NRP1: variants seen among roughly 807,000 people sequenced by gnomAD.
The protein encoded by NRP1 is neuropilin 1.
In NRP1, 35 loss-of-function variants were observed where a neutral mutation model predicts 106.7. The ratio of observed to expected loss-of-function variants is 0.33; its 90% CI spans 0.25 to 0.43. The LOEUF (loss-of-function observed/expected upper bound fraction) is 0.43. Among genes scored for constraint, NRP1 ranks in the 20% least tolerant of loss-of-function variants. The pLI is 1.00. For missense variants in NRP1, 1,024 were observed against 1,170.4 expected (o/e 0.87, Z 1.83); for synonymous variants, 437 against 417.9 (o/e 1.05, Z -0.56).
At chr10:33,187,039 A>C (rs1836056018) in intron 13 of NRP1, among the ~76,000 whole-genome samples, 1 of 150,446 alleles carries the variant, frequency 6.6e-6, no homozygotes, top group Non-Finnish European at 1.5e-5. Flanking sequence ...TAAAAAGATT[A>C]ATTTTTTTTT....
At chr10:33,186,898 C>T (rs1836046841) in intron 13 of NRP1, among the ~76,000 whole-genome samples, 1 of 152,058 alleles carries the variant, frequency 6.6e-6, no homozygotes, top group Admixed American at 6.6e-5. Flanking sequence ...ACTCCTGTTG[C>T]CCAGGTTGGG....
intron 6 of NRP1, among the ~76,000 whole-genome samples, chr10:33,249,832 T>A (rs953286213): frequency 4.6e-5 from 7 of 152,110 alleles, no homozygotes; most frequent in African/African-American, 1.4e-4. Context: ...TTAAGCTTTC[T>A]GGCAGACAAC....
chr10:33,330,464 C>T (rs61758242), intron 2 of NRP1, among the ~76,000 whole-genome samples: 1,751 of 151,728 alleles, frequency 0.012, 48 homozygotes, highest in African/African-American at 0.04. Flanking sequence ...GTTCCCAAAC[C>T]AAAAGTGCTA....
At chr10:33,196,661 G>A (rs1328689549) in intron 12 of NRP1, among the ~76,000 whole-genome samples, 1 of 152,098 alleles carries the variant, frequency 6.6e-6, no homozygotes, top group Non-Finnish European at 1.5e-5. Context: ...CATGCTACAG[G>A]GCAGCTGGGG....
chr10:33,303,471 C>T (rs1309906728), intron 2 of NRP1, among the ~76,000 whole-genome samples: 3 of 152,154 alleles, frequency 2.0e-5, no homozygotes, highest in Admixed American at 6.5e-5. Flanking sequence ...CGTAGTTCTT[C>T]GCCCCTTCCT....
At chr10:33,298,178 A>G (rs1845547937) in intron 2 of NRP1, among the ~76,000 whole-genome samples, 1 of 152,198 alleles carries the variant, frequency 6.6e-6, no homozygotes, top group African/African-American at 2.4e-5. Context: ...CGTCCCAGGA[A>G]CAGTGTGTGA....
chr10:33,255,133 A>G (rs899319843), intron 5 of NRP1, among the ~76,000 whole-genome samples: 1 of 152,032 alleles, frequency 6.6e-6, no homozygotes, highest in Non-Finnish European at 1.5e-5. Context: ...AAAATTCCCC[A>G]TTTTCTGAAT....
In NRP1 at chr10:33,282,722, A is replaced by G. The variant is rs143023101; in HGVS notation, c.249-11866T>C. ...GCTTCTTCCTTTTAGTGGCACTAACATTAAAAGAAAGGTTGAGCTGAACTT... is the reference window on the plus strand; with the variant it reads ...GCTTCTTCCTTTTAGTGGCACTAACGTTAAAAGAAAGGTTGAGCTGAACTT... On this transcript the variant is annotated intron_variant, in intron 2 of 16. Transcript: ENST00000374867. 6.7e-3 allele frequency among the ~76,000 whole-genome samples: 1,016 copies of G among 152,254 alleles called. 6 individuals carry two copies. The highest frequency in any genetic ancestry group is 0.024 in the Middle Eastern group (7 of 294).
intron 2 of NRP1, among the ~76,000 whole-genome samples, chr10:33,295,147 G>A (rs146600745): frequency 6.6e-6 from 1 of 152,292 alleles, no homozygotes; most frequent in Non-Finnish European, 1.5e-5. Context: ...ACATATGTTT[G>A]TGTTGATGAT....
chr10:33,208,763 T>G (rs1240368765), intron 9 of NRP1, among the ~76,000 whole-genome samples: 1 of 152,172 alleles, frequency 6.6e-6, no homozygotes, highest in African/African-American at 2.4e-5. Context: ...GTCATCTTCC[T>G]ATGATATTGA....
intron 6 of NRP1, among the ~76,000 whole-genome samples, chr10:33,228,934 C>G (rs1055087033): frequency 3.9e-5 from 6 of 152,030 alleles, no homozygotes; most frequent in Admixed American, 3.3e-4. Flanking sequence ...ACTTGTTTAC[C>G]AAAATTTGCA....
intron 9 of NRP1, among the ~76,000 whole-genome samples, chr10:33,209,959 G>T (rs920904284): frequency 6.6e-6 from 1 of 152,252 alleles, no homozygotes; most frequent in East Asian, 1.9e-4. Context: ...GCCATGCCCA[G>T]TAGCTGTGTC....
intron 2 of NRP1, among the ~76,000 whole-genome samples, chr10:33,299,497 G>A (rs1045742070): frequency 6.6e-6 from 1 of 152,170 alleles, no homozygotes; most frequent in Non-Finnish European, 1.5e-5. Flanking sequence ...TGTTACAGGT[G>A]ACAGGGCGTG....
chr10:33,284,472 C>T (rs928043065), intron 2 of NRP1, among the ~76,000 whole-genome samples: 3 of 152,088 alleles, frequency 2.0e-5, no homozygotes, highest in Admixed American at 6.5e-5. Flanking sequence ...ATAAAACAGG[C>T]CTTTTGGAAA....
At chr10:33,194,717 A>G in intron 12 of NRP1, 1 of 524,810 alleles carries the variant, frequency 1.9e-6, no homozygotes, top group Non-Finnish European at 3.9e-6. Context: ...ATGTTTTTAG[A>G]TCAATGCCTT....
intron 2 of NRP1, among the ~76,000 whole-genome samples, chr10:33,278,555 T>C (rs1213225051): frequency 6.6e-6 from 1 of 152,170 alleles, no homozygotes; most frequent in Admixed American, 6.5e-5. Flanking sequence ...AATAAAAATG[T>C]TTTCAGAAAC....
In NRP1 at chr10:33,276,453, A is replaced by T. The variant is rs76477097; in HGVS notation, c.249-5597T>A. 5.0e-3 allele frequency among the ~76,000 whole-genome samples: 762 copies of T among 152,330 alleles called. 10 individuals are homozygous for T. Among genetic ancestry groups the T allele is most frequent in the African/African-American group, 0.017 (717 of 41,574 alleles). Reference sequence around the variant, plus strand: ...GCAAGAATTCTTGACATTGCACAGGAATTTCCATGTCAGCATGTTCTCACA... The same window carrying T: ...GCAAGAATTCTTGACATTGCACAGGTATTTCCATGTCAGCATGTTCTCACA... On this transcript the variant is annotated intron_variant, in intron 2 of 16. Transcript: ENST00000374867.
In NRP1 at chr10:33,179,932, T is replaced by C. The variant is rs985617527; in HGVS notation, c.*144A>G. ...GCTCCTTGTCCATGTCTGTCGGCCA[T>C]ACTCATTGAAGCTCCTGAGAAAAGC... is the stretch of plus-strand genomic sequence containing the variant. On this transcript the variant is annotated 3_prime_UTR_variant, in exon 17 of 17. Transcript: ENST00000374867. 4 of 785,724 alleles carry C rather than the reference T, an allele frequency of 5.1e-6. No homozygotes were observed. Among genetic ancestry groups the C allele is most frequent in the Non-Finnish European group, 8.4e-6 (4 of 474,864 alleles). 48.7% of individuals were successfully genotyped at this position (785,724 alleles called of 1,614,324 possible).
At chr10:33,316,327 T>A (rs1374558967) in intron 2 of NRP1, among the ~76,000 whole-genome samples, 1 of 152,170 alleles carries the variant, frequency 6.6e-6, no homozygotes, top group African/African-American at 2.4e-5. Flanking sequence ...ATTCCAGAGT[T>A]TCAAATTTGG....
Sources: allele counts gnomAD v4.1 joint callset (sites outside exome capture counted in the v4.1 genomes callset), GRCh38; gene constraint gnomAD v4.1.1; transcripts MANE v1.5; gene names NCBI Gene and HGNC (gene_info 2026-07-23, HGNC 2026-07-21).